The following GAK variants were observed in gnomAD, a reference collection of about 807,000 sequenced individuals.
GAK encodes cyclin-G-associated kinase.
A neutral mutation model predicts 143.9 loss-of-function variants in GAK; 79 were observed. The ratio of observed to expected loss-of-function variants is 0.55; its 90% CI spans 0.46 to 0.66. GAK has a LOEUF of 0.66. Among genes scored for constraint, GAK ranks in the 30% least tolerant of loss-of-function variants. The pLI, the probability that GAK is intolerant of heterozygous loss-of-function variation, is 0.00. For missense variants in GAK, 1,693 were observed against 1,779.7 expected (o/e 0.95, Z 0.88); for synonymous variants, 881 against 765.5 (o/e 1.15, Z -2.49).
Position 866,836 on chromosome 4 carries a change from G to A in GAK, c.2872+120C>T, listed in dbSNP as rs956435203. On this transcript the variant is annotated intron_variant, in intron 21 of 27. Transcript: ENST00000314167. ...CCCCGAGGCTGCTCCTGGGGGAGGTGGGGGAAGGGCACGTTCCCTTCCTGC... is the reference window on the plus strand; with the variant it reads ...CCCCGAGGCTGCTCCTGGGGGAGGTAGGGGAAGGGCACGTTCCCTTCCTGC... 4 of 786,196 alleles carry A rather than the reference G, an allele frequency of 5.1e-6. No homozygotes were observed. In the African/African-American group the frequency reaches 5.2e-5, roughly 10 times the overall value. 48.7% of individuals were successfully genotyped at this position (786,196 alleles called of 1,614,324 possible). A position where few individuals can be genotyped will look rare whatever the true frequency, so the allele number is the denominator to read the frequency against.
chr4:868,451 T>C lies in GAK; in HGVS notation c.2395+88A>G. 2.8e-6 allele frequency: 4 copies of C among 1,428,590 alleles called. No homozygotes were observed. In the South Asian group the frequency reaches 5.1e-5, roughly 18 times the overall value. 88.5% of individuals were successfully genotyped at this position (1,428,590 alleles called of 1,614,324 possible). On this transcript the variant is annotated intron_variant, in intron 20 of 27. Transcript: ENST00000314167. The stretch of plus-strand genomic sequence containing the variant: ...GCAACTCAGCTCTGCCGGAGGCCCG[T>C]CTCCCAAGACGCTTGCCCTGCCCCA...
At chr4:899,881 C>T (rs1277618299) in intron 5 of GAK, among the ~76,000 whole-genome samples, 2 of 152,222 alleles carry the variant, frequency 1.3e-5, no homozygotes, top group South Asian at 2.1e-4. Context: ...CACCCATGGC[C>T]GACCAGAGAA....
intron 24 of GAK, among the ~76,000 whole-genome samples, chr4:858,179 C>T (rs531066004): frequency 3.9e-5 from 6 of 152,342 alleles, no homozygotes; most frequent in African/African-American, 1.2e-4. Flanking sequence ...TGCTGGCTGG[C>T]GCCTCTGCCC....
intron 6 of GAK, among the ~76,000 whole-genome samples, chr4:897,821 T>TCA (rs1719093145): frequency 6.6e-6 from 1 of 152,172 alleles, no homozygotes; most frequent in Non-Finnish European, 1.5e-5. Flanking sequence ...TGGTGGTGTG[T>TCA]GCCTGTAACC....
intron 23 of GAK, among the ~76,000 whole-genome samples, chr4:860,988 G>A (rs1450195771): frequency 6.6e-6 from 1 of 152,194 alleles, no homozygotes; most frequent in Non-Finnish European, 1.5e-5. Context: ...CTTCATGATT[G>A]CATCTGCTTT....
At chr4:860,798 C>T (rs1049744281) in intron 23 of GAK, among the ~76,000 whole-genome samples, 2 of 150,032 alleles carry the variant, frequency 1.3e-5, no homozygotes, top group East Asian at 2.0e-4. Flanking sequence ...ACTGTGCACT[C>T]GAGGGGACGG....
chr4:883,494 G>T (rs1363534825), intron 12 of GAK, 31 bp from the exon 13 acceptor site: 1 of 1,610,488 alleles, frequency 6.2e-7, no homozygotes. Flanking sequence ...TCAGCACCTG[G>T]GAGATGCGCA....
intron 9 of GAK, among the ~76,000 whole-genome samples, chr4:891,399 A>G (rs946918903): frequency 2.6e-5 from 4 of 151,670 alleles, no homozygotes; most frequent in African/African-American, 9.7e-5. Context: ...TGTCTGTCCC[A>G]GGATGTTCCA....
chr4:865,060 T>TA, intron 23 of GAK, 62 bp downstream of exon 23: 1 of 1,575,100 alleles, frequency 6.3e-7, no homozygotes, highest in South Asian at 1.1e-5. Context: ...ACGTGTGAAA[T>TA]AGAGACGGGC....
At chr4:902,776 G>A (rs1488445197) in intron 5 of GAK, among the ~76,000 whole-genome samples, 1 of 151,980 alleles carries the variant, frequency 6.6e-6, no homozygotes, top group African/African-American at 2.4e-5. Flanking sequence ...ACCAGAAGAC[G>A]CCGGCAGCAC....
At chr4:911,810 G>T in intron 3 of GAK, 23 bp from the exon 4 acceptor site, 1 of 1,551,270 alleles carries the variant, frequency 6.4e-7, no homozygotes, top group South Asian at 1.1e-5. Context: ...TGTTAAAGGA[G>T]AACGTACATA....
At chr4:913,350 C>T (rs1217186043) in intron 2 of GAK, among the ~76,000 whole-genome samples, 1 of 152,186 alleles carries the variant, frequency 6.6e-6, no homozygotes, top group Non-Finnish European at 1.5e-5. Context: ...GGGCATGACC[C>T]CACCATGAGG....
At chr4:863,931 G>A (rs749450294) in intron 23 of GAK, among the ~76,000 whole-genome samples, 67 of 152,196 alleles carry the variant, frequency 4.4e-4, no homozygotes, top group Non-Finnish European at 8.4e-4. Flanking sequence ...GCTGAGGCAG[G>A]AGAATCACTT....
chr4:877,890 T>A (rs1326774781), intron 15 of GAK, 81 bp from the exon 16 acceptor site: 27 of 1,232,098 alleles, frequency 2.2e-5, no homozygotes, highest in Admixed American at 9.1e-5. Flanking sequence ...CGAATAGAAG[T>A]TTTTCATGCT....
chr4:868,209 C>G (rs900441336), intron 20 of GAK, among the ~76,000 whole-genome samples: 3 of 152,130 alleles, frequency 2.0e-5, no homozygotes, highest in Admixed American at 2.0e-4. Flanking sequence ...TCTGTCCCTC[C>G]GCCCAGGCCC....
At chr4:928,102 G>C (rs1332541940) in intron 1 of GAK, among the ~76,000 whole-genome samples, 1 of 152,214 alleles carries the variant, frequency 6.6e-6, no homozygotes, top group Non-Finnish European at 1.5e-5. Context: ...CTGTCGTCCA[G>C]GCTGGAGTGC....
chr4:910,520 C>T (rs996225664), intron 4 of GAK, among the ~76,000 whole-genome samples: 4 of 152,098 alleles, frequency 2.6e-5, no homozygotes, highest in African/African-American at 4.8e-5. Flanking sequence ...GGACACATGC[C>T]CCTCCTGCTG....
intron 1 of GAK, among the ~76,000 whole-genome samples, chr4:926,377 A>G (rs1464153534): frequency 6.6e-6 from 1 of 152,182 alleles, no homozygotes; most frequent in Non-Finnish European, 1.5e-5. Flanking sequence ...TCCAGGGCAC[A>G]ATGCGCAGAG....
rs919644671 is a variant in GAK, at chr4:849,444, G to A, written c.*229C>T. 9 of 566,796 alleles carry A rather than the reference G, an allele frequency of 1.6e-5. No homozygotes were observed. Among genetic ancestry groups the A allele is most frequent in the African/African-American group, 1.3e-4 (7 of 53,328 alleles). The allele number at this position is 566,796 out of a possible 1,614,324, so 35.1% of individuals were successfully genotyped here. ...ATCACAGACGTGACAATTGCGGGAG[G>A]AGCATGAATCAGCTGTTCCTTCGGG... On this transcript the variant is annotated 3_prime_UTR_variant, in exon 28 of 28. Transcript: ENST00000314167.
Sources: gnomAD v4.1 joint callset for allele counts (sites outside exome capture counted in the v4.1 genomes callset) on GRCh38, gnomAD v4.1.1 for gene constraint, MANE v1.5 for transcripts, NCBI Gene and HGNC (gene_info 2026-07-23, HGNC 2026-07-21) for gene names.